ZFPM2: variants seen among roughly 807,000 people sequenced by gnomAD.
The protein encoded by ZFPM2 is zinc finger protein, FOG family member 2.
In ZFPM2, 20 loss-of-function variants were observed where a neutral mutation model predicts 98.6. The ratio of observed to expected loss-of-function variants is 0.20; its 90% CI spans 0.14 to 0.29. ZFPM2 has a LOEUF of 0.29. Among genes scored for constraint, ZFPM2 ranks in the 10% least tolerant of loss-of-function variants. The pLI is 1.00. For synonymous variants in ZFPM2, 518 were observed against 502.7 expected, an observed-to-expected ratio of 1.03 and a Z score of -0.41; for missense variants, 1,310 against 1,388.6, an observed-to-expected ratio of 0.94 and a Z score of 0.90.
chr8:105,704,707 T>C (rs1280661391), intron 5 of ZFPM2, among the ~76,000 whole-genome samples: 1 of 152,184 alleles, frequency 6.6e-6, no homozygotes, highest in Non-Finnish European at 1.5e-5. Context: ...TAATATTTAT[T>C]AGGCCATTTG....
At chr8:105,552,423 C>T (rs544406043) in intron 3 of ZFPM2, among the ~76,000 whole-genome samples, 11 of 152,274 alleles carry the variant, frequency 7.2e-5, no homozygotes, top group Admixed American at 5.2e-4. Context: ...AGCTGTGACA[C>T]GGGATGTTGT....
chr8:105,324,594 T>C (rs1244516782), intron 1 of ZFPM2, among the ~76,000 whole-genome samples: 9 of 151,888 alleles, frequency 5.9e-5, no homozygotes, highest in Non-Finnish European at 1.2e-4. Flanking sequence ...TTGGGACTAG[T>C]GTATGGATTT....
At chr8:105,677,071 T>A (rs940941230) in intron 5 of ZFPM2, among the ~76,000 whole-genome samples, 2 of 152,128 alleles carry the variant, frequency 1.3e-5, no homozygotes, top group African/African-American at 2.4e-5. Flanking sequence ...CTTATCATTC[T>A]CCCTTTGTCA....
At chr8:105,618,742 C>G (rs1225791887) in intron 4 of ZFPM2, among the ~76,000 whole-genome samples, 1 of 151,992 alleles carries the variant, frequency 6.6e-6, no homozygotes, top group Non-Finnish European at 1.5e-5. Context: ...ATGCAGAGTA[C>G]TTAAGTAACT....
At position 105,528,696 on chromosome 8, in the gene ZFPM2, A is replaced by G. The variant is rs541636293; in HGVS notation, c.302-32667A>G. ...GTAAATGGAATTCTAAAAGCATGAA[A>G]GGAAAATGAATTTGAGACTATTATA... is the stretch of plus-strand genomic sequence containing the variant. On this transcript the variant is annotated intron_variant, in intron 3 of 7. Transcript: ENST00000407775. Among the ~76,000 whole-genome samples, 29 of 152,294 alleles carry G rather than the reference A, an allele frequency of 1.9e-4. No homozygotes were observed. The South Asian group carries it at 5.6e-3, about 29-fold the overall frequency.
intron 5 of ZFPM2, among the ~76,000 whole-genome samples, chr8:105,685,390 G>T (rs1365914881): frequency 2.0e-5 from 3 of 152,200 alleles, no homozygotes; most frequent in Admixed American, 6.6e-5. Context: ...CCAGCAAGGG[G>T]ACCATGAGTT....
At chr8:105,563,508 TAG>T (rs1374754418) in intron 4 of ZFPM2, among the ~76,000 whole-genome samples, 23 of 152,194 alleles carry the variant, frequency 1.5e-4, no homozygotes, top group Admixed American at 1.5e-3. Flanking sequence ...CAATTTGTTC[TAG>T]GTGGACCAGT....
At chr8:105,433,613 C>A (rs1158832745) in intron 2 of ZFPM2, among the ~76,000 whole-genome samples, 5 of 152,010 alleles carry the variant, frequency 3.3e-5, no homozygotes, top group Non-Finnish European at 5.9e-5. Flanking sequence ...CAGTGAAACC[C>A]AATCTCTACT....
chr8:105,746,293 C>A (rs1812342791), intron 5 of ZFPM2, among the ~76,000 whole-genome samples: 1 of 151,834 alleles, frequency 6.6e-6, no homozygotes, highest in Non-Finnish European at 1.5e-5. Context: ...TAAAACAACA[C>A]TGAGTCATGG....
intron 3 of ZFPM2, among the ~76,000 whole-genome samples, chr8:105,489,106 A>T (rs1220112298): frequency 1.3e-5 from 2 of 152,034 alleles, no homozygotes; most frequent in African/African-American, 4.8e-5. Context: ...TGACTTTCCC[A>T]TGAAGGTATA....
intron 3 of ZFPM2, among the ~76,000 whole-genome samples, chr8:105,555,831 A>G: frequency 6.6e-6 from 1 of 152,146 alleles, no homozygotes; most frequent in East Asian, 1.9e-4. Flanking sequence ...CTATTAAGGC[A>G]GGCAGAAATA....
chr8:105,750,915 A>G (rs1812460475), intron 5 of ZFPM2, among the ~76,000 whole-genome samples: 1 of 152,120 alleles, frequency 6.6e-6, no homozygotes, highest in Non-Finnish European at 1.5e-5. Flanking sequence ...TTCGTCACCC[A>G]GGATATGTTA....
intron 5 of ZFPM2, among the ~76,000 whole-genome samples, chr8:105,678,052 A>G (rs1161483796): frequency 3.9e-5 from 6 of 152,250 alleles, no homozygotes; most frequent in Middle Eastern, 6.8e-3. Context: ...ATTATTTACC[A>G]TTGACTGTTT....
At chr8:105,573,435 T>A (rs1183753732) in intron 4 of ZFPM2, among the ~76,000 whole-genome samples, 1 of 152,084 alleles carries the variant, frequency 6.6e-6, no homozygotes, top group Admixed American at 6.5e-5. Flanking sequence ...GACTTTCAAA[T>A]ACCAAGAGCC....
chr8:105,481,252 A>T (rs1813111716), intron 3 of ZFPM2, among the ~76,000 whole-genome samples: 1 of 152,062 alleles, frequency 6.6e-6, no homozygotes, highest in African/African-American at 2.4e-5. Flanking sequence ...GCTCCACTGT[A>T]TTAATCTGCT....
intron 5 of ZFPM2, among the ~76,000 whole-genome samples, chr8:105,705,406 C>G (rs890970619): frequency 6.6e-6 from 1 of 151,956 alleles, no homozygotes; most frequent in African/African-American, 2.4e-5. Context: ...GGGGTTTGAC[C>G]AGAAACAATA....
intron 5 of ZFPM2, among the ~76,000 whole-genome samples, chr8:105,734,920 G>A (rs530688954): frequency 2.0e-5 from 3 of 150,600 alleles, no homozygotes; most frequent in African/African-American, 7.3e-5. Context: ...ACATATATAT[G>A]GAATATATCT....
At chr8:105,530,970 T>C (rs149841363) in intron 3 of ZFPM2, among the ~76,000 whole-genome samples, 6 of 152,308 alleles carry the variant, frequency 3.9e-5, no homozygotes, top group Admixed American at 3.9e-4. Context: ...TATTGCTCAA[T>C]ATATATTTAA....
intron 5 of ZFPM2, among the ~76,000 whole-genome samples, chr8:105,694,260 A>G (rs1810964516): frequency 6.6e-6 from 1 of 152,124 alleles, no homozygotes; most frequent in South Asian, 2.1e-4. Context: ...TGCTGGGATT[A>G]CAGGCCTGAG....
Sources: gnomAD v4.1 joint callset for allele counts (sites outside exome capture counted in the v4.1 genomes callset) on GRCh38, gnomAD v4.1.1 for gene constraint, MANE v1.5 for transcripts, NCBI Gene and HGNC (gene_info 2026-07-23, HGNC 2026-07-21) for gene names.